Variants in FRYL observed in about 807,000 individuals in gnomAD.
FRYL encodes protein furry homolog-like.
FRYL carries 150 observed loss-of-function variants against 351.2 expected under a neutral mutation model. The observed-to-expected ratio is 0.43, with a 90% CI of 0.37 to 0.49. The LOEUF is 0.49. Ranked by LOEUF, FRYL falls within the 20% of genes least tolerant of loss-of-function variation. The pLI is 0.00. For missense variants in FRYL, 3,036 were observed against 3,619.3 expected, an observed-to-expected ratio of 0.84 and a Z score of 4.13; for synonymous variants, 1,153 against 1,257.1, an observed-to-expected ratio of 0.92 and a Z score of 1.75.
chr4:48,600,326 T>G (rs1468111302), intron 13 of FRYL, among the ~76,000 whole-genome samples: 1 of 152,152 alleles, frequency 6.6e-6, no homozygotes, highest in Non-Finnish European at 1.5e-5. Context: ...TATCTAAGAC[T>G]TAATAAATAG....
At chr4:48,678,700 T>C in intron 3 of FRYL, among the ~76,000 whole-genome samples, 1 of 152,054 alleles carries the variant, frequency 6.6e-6, no homozygotes, top group East Asian at 1.9e-4. Flanking sequence ...AATTTTATTT[T>C]TGAAGAGAAA....
intron 3 of FRYL, chr4:48,636,775 T>C (rs1449655736): frequency 2.0e-5 from 3 of 152,040 alleles, no homozygotes; most frequent in Admixed American, 1.3e-4. Flanking sequence ...TTTTATTTCT[T>C]AGTAGGTGTT....
intron 49 of FRYL, among the ~76,000 whole-genome samples, chr4:48,533,574 G>A (rs985502647): frequency 6.6e-5 from 10 of 152,144 alleles, no homozygotes; most frequent in Admixed American, 3.9e-4. Flanking sequence ...GAATGCAAAC[G>A]TAACTGGAGT....
intron 1 of FRYL, among the ~76,000 whole-genome samples, chr4:48,722,256 C>T (rs1769563735): frequency 6.6e-6 from 1 of 152,150 alleles, no homozygotes; most frequent in Non-Finnish European, 1.5e-5. Context: ...AGTCTACTTA[C>T]ACCATAAATA....
intron 40 of FRYL, 37 bp downstream of exon 40, chr4:48,548,653 A>G (rs765280079): frequency 5.4e-6 from 6 of 1,114,112 alleles, no homozygotes; most frequent in Non-Finnish European, 8.2e-6. Flanking sequence ...TATCATAAAA[A>G]TATAACATGA....
intron 47 of FRYL, among the ~76,000 whole-genome samples, chr4:48,538,499 T>G (rs1275683924): frequency 1.3e-5 from 2 of 152,196 alleles, no homozygotes; most frequent in Non-Finnish European, 2.9e-5. Context: ...AGTATTTTCT[T>G]TCTTTACTAT....
In FRYL at chr4:48,498,173, A is replaced by G. The variant is rs1203923187; in HGVS notation, c.*1249T>C. 6.6e-6 allele frequency: 1 copy of G among 151,918 alleles called. No homozygotes were observed. Among genetic ancestry groups the G allele is most frequent in the African/African-American group, 2.4e-5 (1 of 41,350 alleles). 9.4% of individuals were successfully genotyped at this position (151,918 alleles called of 1,614,324 possible). A position where few individuals can be genotyped will look rare whatever the true frequency, so the allele number is the denominator to read the frequency against. On this transcript the variant is annotated 3_prime_UTR_variant, in exon 64 of 64. Transcript: ENST00000358350. Reference sequence around the variant, plus strand: ...ACAGACTTAGACAGTGAATAAGTATATTGCATGTTTTGGTAGTCAGTCTTC... The same window carrying G: ...ACAGACTTAGACAGTGAATAAGTATGTTGCATGTTTTGGTAGTCAGTCTTC...
At chr4:48,750,267 C>T (rs1281666577) in intron 1 of FRYL, among the ~76,000 whole-genome samples, 1 of 151,856 alleles carries the variant, frequency 6.6e-6, no homozygotes, top group Non-Finnish European at 1.5e-5. Context: ...TCGAGATCAG[C>T]CTGGGCAACA....
intron 23 of FRYL, among the ~76,000 whole-genome samples, chr4:48,577,760 C>A (rs1309597248): frequency 6.6e-6 from 1 of 151,748 alleles, no homozygotes. Context: ...GCTATAATCC[C>A]AGCACTTTGG....
chr4:48,599,244 T>C (rs1745217902), intron 13 of FRYL, among the ~76,000 whole-genome samples: 1 of 152,230 alleles, frequency 6.6e-6, no homozygotes, highest in Admixed American at 6.5e-5. Context: ...TTCACCTATC[T>C]CTCTTAATAA....
chr4:48,773,162 T>G (rs1381371738), intron 1 of FRYL, among the ~76,000 whole-genome samples: 1 of 152,194 alleles, frequency 6.6e-6, no homozygotes, highest in Non-Finnish European at 1.5e-5. Flanking sequence ...ATGGTACATA[T>G]AAATTACTTA....
At chr4:48,613,759 C>T (rs1275661801) in intron 7 of FRYL, among the ~76,000 whole-genome samples, 1 of 152,040 alleles carries the variant, frequency 6.6e-6, no homozygotes, top group East Asian at 1.9e-4. Context: ...AGTTCCAGAC[C>T]AGCCTGGCCA....
chr4:48,711,567 C>T (rs968904726), intron 1 of FRYL, among the ~76,000 whole-genome samples: 16 of 152,360 alleles, frequency 1.1e-4, no homozygotes, highest in South Asian at 1.0e-3. Context: ...CCGGGAAGCT[C>T]GAACTGGGTG....
At chr4:48,624,405 C>T (rs1489160391) in intron 4 of FRYL, among the ~76,000 whole-genome samples, 1 of 152,098 alleles carries the variant, frequency 6.6e-6, no homozygotes, top group Non-Finnish European at 1.5e-5. Context: ...ATAATAGATA[C>T]TAAAGTCTCT....
intron 11 of FRYL, among the ~76,000 whole-genome samples, chr4:48,605,321 T>C (rs1298531298): frequency 1.3e-5 from 2 of 152,236 alleles, no homozygotes; most frequent in African/African-American, 4.8e-5. Flanking sequence ...AGGACCTGAA[T>C]ACTACAAACC....
intron 4 of FRYL, among the ~76,000 whole-genome samples, chr4:48,632,150 A>C (rs1753336112): frequency 7.2e-6 from 1 of 139,578 alleles, no homozygotes; most frequent in African/African-American, 2.6e-5. Flanking sequence ...AATCTCAAAT[A>C]TATAAATATA....
intron 1 of FRYL, among the ~76,000 whole-genome samples, chr4:48,756,107 C>A (rs541718465): frequency 2.0e-5 from 3 of 151,892 alleles, no homozygotes; most frequent in African/African-American, 4.8e-5. Context: ...GTGGCACATG[C>A]CTGTAGTCCC....
chr4:48,526,821 AAATC>A (rs1726340168), intron 53 of FRYL, among the ~76,000 whole-genome samples: 1 of 152,180 alleles, frequency 6.6e-6, no homozygotes, highest in Admixed American at 6.6e-5. Flanking sequence ...AATCCAGACT[AAATC>A]AATTTAGAAG....
At chr4:48,576,679 A>C (rs776779787) in intron 23 of FRYL, among the ~76,000 whole-genome samples, 2 of 152,178 alleles carry the variant, frequency 1.3e-5, no homozygotes, top group African/African-American at 2.4e-5. Context: ...ATATCAATGA[A>C]TAAAGTAATG....
Sources: allele counts gnomAD v4.1 joint callset (sites outside exome capture counted in the v4.1 genomes callset), GRCh38; gene constraint gnomAD v4.1.1; transcripts MANE v1.5; gene names NCBI Gene and HGNC (gene_info 2026-07-23, HGNC 2026-07-21).